Variants in ADGRB2 observed in about 807,000 individuals in gnomAD.
The protein encoded by ADGRB2 is adhesion G protein-coupled receptor B2.
Under a neutral mutation model 178.7 loss-of-function variants are expected in ADGRB2, and 47 were observed. That is an observed-to-expected ratio of 0.26 (90% confidence interval 0.21 to 0.34). The LOEUF is 0.34. ADGRB2 is among the 10% of genes least tolerant of loss of function. The pLI is 1.00. For missense variants in ADGRB2, 1,584 were observed against 2,180.8 expected (o/e 0.73, Z 5.45); for synonymous variants, 870 against 912.4 (o/e 0.95, Z 0.84).
Position 31,727,842 on chromosome 1 carries a change from G to C in ADGRB2, c.4572+183C>G. 1 of 919,122 alleles carries C rather than the reference G, an allele frequency of 1.1e-6. No individual in the cohort carries two copies. Among genetic ancestry groups the C allele is most frequent in the Non-Finnish European group, 1.6e-6 (1 of 629,608 alleles). 56.9% of individuals were successfully genotyped at this position (919,122 alleles called of 1,614,324 possible). A position where few individuals can be genotyped will look rare whatever the true frequency, so the allele number is the denominator to read the frequency against. On this transcript the variant is annotated intron_variant, in intron 32 of 32. Coordinates refer to ENST00000373658, the MANE Select transcript of ADGRB2 (RefSeq NM_001364857.2). The surrounding 1 kb of genome is among the most constrained non-coding windows in gnomAD (Gnocchi z 4.4). The stretch of plus-strand genomic sequence containing the variant: ...ACCACTCTCCCTCCCAATCCTGGAG[G>C]ACCTCCACCCCTGTTCGCCATCTGC...
Position 31,740,202 on chromosome 1 carries a change from A to T in ADGRB2, c.1990-24T>A, listed in dbSNP as rs1645859569. 6.2e-7 allele frequency: 1 copy of T among 1,613,634 alleles called. No homozygotes were observed. The highest frequency in any genetic ancestry group is 1.1e-5 in the South Asian group (1 of 91,076). ...CGCTGAGGAGAGAGCAATGAGTGGC[A>T]GGGGGTCCTAGCCCCAGGGAACAGG... is the stretch of plus-strand genomic sequence containing the variant. On this transcript the variant is annotated intron_variant, in intron 12 of 32. Coordinates refer to ENST00000373658, the MANE Select transcript of ADGRB2 (RefSeq NM_001364857.2). The surrounding 1 kb of genome is among the most constrained non-coding windows in gnomAD (Gnocchi z 5.9).
intron 15 of ADGRB2, 116 bp from the exon 16 acceptor site, chr1:31,739,053 A>C: frequency 3.1e-6 from 3 of 982,292 alleles, no homozygotes; most frequent in Non-Finnish European, 4.5e-6. Context: ...GCCCAGGGGA[A>C]GGCCTAACTC....
In ADGRB2 at chr1:31,740,230, G is replaced by A; in HGVS notation, c.1990-52C>T. On this transcript the variant is annotated intron_variant, in intron 12 of 32. Transcript: ENST00000373658. This position sits in a 1 kb window ranked among gnomAD's most constrained non-coding sequence, Gnocchi z 5.9. ...GGGTCCTAGCCCCAGGGAACAGGGG[G>A]CTTCCCCCACTATAGCCACACTTGC... is the stretch of plus-strand genomic sequence containing the variant. 1 of 1,611,750 alleles carries A rather than the reference G, an allele frequency of 6.2e-7. No individual in the cohort carries two copies. The highest frequency in any genetic ancestry group is 1.1e-5 in the South Asian group (1 of 90,966).
chr1:31,734,783 ATTCTAACATT>A (rs1181501826), intron 25 of ADGRB2, among the ~76,000 whole-genome samples: 3 of 152,234 alleles, frequency 2.0e-5, no homozygotes, highest in African/African-American at 7.2e-5. Flanking sequence ...TGATTCACTC[ATTCTAACATT>A]CTTAGCTTCT....
rs375098012 is a variant in ADGRB2, at chr1:31,740,078, C to A, written c.2058+32G>T. The A allele has an allele frequency of 1.0e-4, 164 of 1,614,006 alleles. No homozygotes were observed. Among genetic ancestry groups the A allele is most frequent in the Non-Finnish European group, 2.3e-5 (27 of 1,180,000 alleles). On this transcript the variant is annotated intron_variant, in intron 13 of 32. Coordinates refer to ENST00000373658, the MANE Select transcript of ADGRB2 (RefSeq NM_001364857.2). The surrounding 1 kb of genome is among the most constrained non-coding windows in gnomAD (Gnocchi z 5.9). The stretch of plus-strand genomic sequence containing the variant: ...TAAGGGTCCAAGGCAGGGTGGGTCA[C>A]GGGAGGAGAAGCTGGCAGCTGTGCC...
intron 4 of ADGRB2, among the ~76,000 whole-genome samples, chr1:31,748,252 G>A (rs565389397): frequency 2.6e-5 from 4 of 152,316 alleles, no homozygotes; most frequent in South Asian, 4.1e-4. Flanking sequence ...GAACATGTCC[G>A]AGGTTCAGTT....
At position 31,731,260 on chromosome 1, in the gene ADGRB2, G is replaced by T. The variant is rs758478357; in HGVS notation, c.3920C>A (p.Ala1307Glu). 6.2e-7 allele frequency: 1 copy of T among 1,609,868 alleles called. No individual in the cohort carries two copies. Among genetic ancestry groups the T allele is most frequent in the South Asian group, 1.1e-5 (1 of 90,306 alleles). Residue 1307 changes from alanine (A) to glutamate (E), a missense_variant, in exon 29 of 33, where the codon GCA becomes GAA. By Grantham distance (107) the Ala-to-Glu change is moderately radical. Transcript: ENST00000373658. ...PLPGNILVPM[A>E]ASPGLGEPPP... Reference sequence around the variant, plus strand: ...AGGCTCCCCCAGCCCTGGTGAGGCTGCCATGGGCACCAGGATATTCCCAGG... The same window carrying T: ...AGGCTCCCCCAGCCCTGGTGAGGCTTCCATGGGCACCAGGATATTCCCAGG...
At position 31,728,315 on chromosome 1, in the gene ADGRB2, G is replaced by C. The variant is rs762598577; in HGVS notation, c.4417-35C>G. 6.3e-7 allele frequency: 1 copy of C among 1,598,592 alleles called. No individual in the cohort carries two copies. The highest frequency in any genetic ancestry group is 1.1e-5 in the South Asian group (1 of 90,390). On this transcript the variant is annotated intron_variant, in intron 30 of 32. Coordinates refer to ENST00000373658, the MANE Select transcript of ADGRB2 (RefSeq NM_001364857.2). The surrounding 1 kb of genome is among the most constrained non-coding windows in gnomAD (Gnocchi z 6.7). The stretch of plus-strand genomic sequence containing the variant: ...ACAGGGCATCAGAGGGTCGCTCCCC[G>C]GGGCAGCACCATGATCCCCCCTACC...
rs1557723557 is a variant in ADGRB2 at position 31,727,357 on chromosome 1, A to C, written c.*63T>G. 1 of 1,502,112 alleles carries C rather than the reference A, an allele frequency of 6.7e-7. No homozygotes were observed. The highest frequency in any genetic ancestry group is 8.8e-7 in the Non-Finnish European group (1 of 1,134,280). 93.0% of individuals were successfully genotyped at this position (1,502,112 alleles called of 1,614,324 possible). On this transcript the variant is annotated 3_prime_UTR_variant, in exon 33 of 33. Transcript: ENST00000373658. This position sits in a 1 kb window ranked among gnomAD's most constrained non-coding sequence, Gnocchi z 4.4. Reference sequence around the variant, plus strand: ...GGGCGCTGGCTCCTGGGTAGTTCCAAAGTGGAGTGTGAAAATAGAGAGATA... The same window carrying C: ...GGGCGCTGGCTCCTGGGTAGTTCCACAGTGGAGTGTGAAAATAGAGAGATA...
rs1646051192 is a variant in ADGRB2 at position 31,742,813 on chromosome 1, A to C, written c.1252+25T>G. On this transcript the variant is annotated intron_variant, in intron 7 of 32. Coordinates refer to ENST00000373658, the MANE Select transcript of ADGRB2 (RefSeq NM_001364857.2). ...CCCCACCGGGCTGGGCAGCGCCCTC[A>C]TGGAAGCCCACGGGTGCTACTGACC... 4.2e-6 allele frequency: 6 copies of C among 1,412,968 alleles called. No homozygotes were observed. The African/African-American group carries it at 4.5e-5, about 11-fold the overall frequency. The allele number at this position is 1,412,968 out of a possible 1,614,324, so 87.5% of individuals were successfully genotyped here.
chr1:31,730,857 G>A lies in ADGRB2; in HGVS notation c.4323C>T (p.Arg1441=). The A allele has an allele frequency of 1.3e-6, 2 of 1,543,848 alleles. No individual in the cohort carries two copies. The highest frequency in any genetic ancestry group is 1.7e-6 in the Non-Finnish European group (2 of 1,147,472). The part of the protein sequence containing the change: ...SARQVPEPGE[R]SRTMPRTVPG... Reference sequence around the variant, plus strand: ...GCACGGTGCGAGGCATGGTCCGGCTGCGCTCCCCTGGCTCGGGCACTTGGC... The same window carrying A: ...GCACGGTGCGAGGCATGGTCCGGCTACGCTCCCCTGGCTCGGGCACTTGGC... The change falls in exon 29 of 33, where the codon CGC becomes CGT. Residue 1441 remains arginine (R), a synonymous_variant. Transcript: ENST00000373658.
intron 4 of ADGRB2, among the ~76,000 whole-genome samples, chr1:31,748,614 C>A (rs565542250): frequency 2.2e-4 from 33 of 152,362 alleles, no homozygotes; most frequent in South Asian, 2.1e-3. Flanking sequence ...GACGTGAGTA[C>A]CCCCAAGAAC....
chr1:31,734,225 CCTACACTGAACA>C (rs1174625417), intron 25 of ADGRB2, among the ~76,000 whole-genome samples: 1 of 152,202 alleles, frequency 6.6e-6, no homozygotes, highest in Non-Finnish European at 1.5e-5. Context: ...TCTACCAGGC[CCTACACTGAACA>C]CTTTACATAT....
chr1:31,744,085 G>C lies in ADGRB2; in HGVS notation c.1087+108C>G, dbSNP rs905070334. ...CATGGTGTGGGGAACAGCCACATTT[G>C]TTGAATGAAAGGAGGAGGCAACCAA... On this transcript the variant is annotated intron_variant, in intron 6 of 32. Transcript: ENST00000373658. This position sits in a 1 kb window ranked among gnomAD's most constrained non-coding sequence, Gnocchi z 6.7. 4.4e-6 allele frequency: 6 copies of C among 1,352,402 alleles called. No individual in the cohort carries two copies. Among genetic ancestry groups the C allele is most frequent in the Non-Finnish European group, 4.9e-6 (5 of 1,010,558 alleles). 83.8% of individuals were successfully genotyped at this position (1,352,402 alleles called of 1,614,324 possible).
intron 4 of ADGRB2, among the ~76,000 whole-genome samples, chr1:31,751,925 G>T (rs1437751962): frequency 6.6e-6 from 1 of 152,168 alleles, no homozygotes; most frequent in African/African-American, 2.4e-5. Context: ...CCATGTGCCA[G>T]GCACTGGGCA....
At chr1:31,749,515 A>G (rs2149012859) in intron 4 of ADGRB2, among the ~76,000 whole-genome samples, 1 of 152,346 alleles carries the variant, frequency 6.6e-6, no homozygotes, top group South Asian at 2.1e-4. Context: ...TGAGCTTCAG[A>G]TTCTCTGAAG....
chr1:31,737,584 GGT>G (rs1645686331), intron 19 of ADGRB2, 53 bp from the exon 20 acceptor site: 4 of 1,610,892 alleles, frequency 2.5e-6, no homozygotes, highest in Non-Finnish European at 3.4e-6. Context: ...CATCCGACCT[GGT>G]GTGGCTGGCC....
chr1:31,736,946 G>C (rs996321009), intron 20 of ADGRB2, among the ~76,000 whole-genome samples: 1 of 152,228 alleles, frequency 6.6e-6, no homozygotes, highest in Non-Finnish European at 1.5e-5. Context: ...CGGGTGGGCA[G>C]GCTGCCCACG....
intron 4 of ADGRB2, among the ~76,000 whole-genome samples, chr1:31,748,877 C>G (rs2149008636): frequency 6.6e-6 from 1 of 152,348 alleles, no homozygotes; most frequent in East Asian, 1.9e-4. Context: ...TCATCCTCAT[C>G]AGGGCTGGTT....
Sources: allele counts gnomAD v4.1 joint callset (sites outside exome capture counted in the v4.1 genomes callset), GRCh38; gene constraint gnomAD v4.1.1; non-coding constraint Gnocchi (gnomAD v3.1); transcripts MANE v1.5; gene names NCBI Gene and HGNC (gene_info 2026-07-23, HGNC 2026-07-21).